Variants in THSD4 observed in about 807,000 individuals in gnomAD.
THSD4 encodes the protein thrombospondin type 1 domain containing 4.
In THSD4, 69 loss-of-function variants were observed where a neutral mutation model predicts 119.0. The ratio of observed to expected loss-of-function variants is 0.58; its 90% CI spans 0.48 to 0.71. The LOEUF (loss-of-function observed/expected upper bound fraction) is 0.71, where lower values mean the gene tolerates loss of function less well. THSD4 is among the 30% of genes least tolerant of loss of function. The pLI, the probability that THSD4 is intolerant of heterozygous loss-of-function variation, is 0.00. For missense variants in THSD4, 1,393 were observed against 1,391.1 expected (o/e 1.00, Z -0.02); for synonymous variants, 524 against 540.4 (o/e 0.97, Z 0.42).
intron 6 of THSD4, among the ~76,000 whole-genome samples, chr15:71,371,575 A>T (rs1056422954): frequency 6.6e-6 from 1 of 152,180 alleles, no homozygotes; most frequent in African/African-American, 2.4e-5. Flanking sequence ...TAGGTTGAAA[A>T]TTCTTTTCTT....
chr15:71,282,355 C>T (rs2044663050), intron 6 of THSD4, among the ~76,000 whole-genome samples: 1 of 151,808 alleles, frequency 6.6e-6, no homozygotes, highest in Non-Finnish European at 1.5e-5. Context: ...GATTTATATC[C>T]CTGTCCAGCT....
chr15:71,209,816 G>A (rs554112774), intron 3 of THSD4, among the ~76,000 whole-genome samples: 2 of 152,222 alleles, frequency 1.3e-5, no homozygotes, highest in South Asian at 4.1e-4. Flanking sequence ...ATGGGGGCGG[G>A]TCTTTCCTGT....
At chr15:71,726,312 G>C (rs1333562103) in intron 8 of THSD4, among the ~76,000 whole-genome samples, 2 of 152,196 alleles carry the variant, frequency 1.3e-5, no homozygotes, top group East Asian at 3.9e-4. Context: ...CCTCTGTGCA[G>C]TTTCTGATTC....
intron 7 of THSD4, among the ~76,000 whole-genome samples, chr15:71,558,917 G>C (rs574023375): frequency 6.6e-6 from 1 of 152,124 alleles, no homozygotes; most frequent in Admixed American, 6.5e-5. Context: ...GTCTGAGAAT[G>C]TGGTATGTGC....
chr15:71,463,444 T>C (rs1319310199), intron 7 of THSD4, among the ~76,000 whole-genome samples: 1 of 152,234 alleles, frequency 6.6e-6, no homozygotes, highest in Non-Finnish European at 1.5e-5. Context: ...CGTCATCTGG[T>C]CCGCATTTCT....
intron 7 of THSD4, chr15:71,549,867 G>GATAA: frequency 6.6e-6 from 1 of 152,596 alleles, no homozygotes; most frequent in Admixed American, 6.5e-5. Flanking sequence ...AGCAGGACCT[G>GATAA]GCAGGTGGGG....
chr15:71,264,970 T>TTCAAATTAGTTCA (rs2044447247), intron 6 of THSD4, among the ~76,000 whole-genome samples: 4 of 152,122 alleles, frequency 2.6e-5, no homozygotes, highest in Admixed American at 6.5e-5. Flanking sequence ...ATGGGGACTC[T>TTCAAATTAGTTCA]AAGGAACTAA....
intron 8 of THSD4, among the ~76,000 whole-genome samples, chr15:71,676,027 C>G (rs1375489055): frequency 6.6e-6 from 1 of 152,194 alleles, no homozygotes. Flanking sequence ...AATCCTTGGG[C>G]TAAATCTCCA....
intron 7 of THSD4, among the ~76,000 whole-genome samples, chr15:71,626,234 T>C (rs1159931666): frequency 6.6e-6 from 1 of 152,218 alleles, no homozygotes; most frequent in Admixed American, 6.5e-5. Flanking sequence ...TGTTGGATTT[T>C]ATTCGGTTTT....
intron 3 of THSD4, among the ~76,000 whole-genome samples, chr15:71,194,302 T>C (rs1296930238): frequency 6.6e-6 from 1 of 152,238 alleles, no homozygotes; most frequent in Non-Finnish European, 1.5e-5. Context: ...TGCCTCCATC[T>C]GTTTTCACAA....
In THSD4 at chr15:71,671,055, G is replaced by A. The variant is rs529616591; in HGVS notation, c.1357+10321G>A. ...TGGGTCTCTAGATCCTTGAGGAATT[G>A]CCACACTGTCTTCCACAATGGTTGA... On this transcript the variant is annotated intron_variant, in intron 8 of 17. Transcript: ENST00000261862. Among the ~76,000 whole-genome samples, 662 of 152,236 alleles carry A rather than the reference G, an allele frequency of 4.3e-3. 4 individuals carry two copies. Among genetic ancestry groups the A allele is most frequent in the Non-Finnish European group, 7.8e-3 (533 of 68,018 alleles).
At chr15:71,246,339 A>T (rs1043026782) in intron 5 of THSD4, among the ~76,000 whole-genome samples, 1 of 152,138 alleles carries the variant, frequency 6.6e-6, no homozygotes, top group Middle Eastern at 3.2e-3. Context: ...AACATCTTCC[A>T]GGTTCTCAGT....
At chr15:71,704,158 T>A (rs1175821765) in intron 8 of THSD4, among the ~76,000 whole-genome samples, 1 of 152,218 alleles carries the variant, frequency 6.6e-6, no homozygotes, top group Non-Finnish European at 1.5e-5. Context: ...TGAAAAACTC[T>A]ACAAAGTTTT....
At chr15:71,224,096 G>A (rs1446862723) in intron 4 of THSD4, among the ~76,000 whole-genome samples, 1 of 152,194 alleles carries the variant, frequency 6.6e-6, no homozygotes, top group East Asian at 1.9e-4. Flanking sequence ...GCTGTGCTTT[G>A]AAAAGGAAAG....
intron 7 of THSD4, among the ~76,000 whole-genome samples, chr15:71,608,527 AGTT>A (rs2140906452): frequency 6.6e-6 from 1 of 152,270 alleles, no homozygotes; most frequent in African/African-American, 2.4e-5. Context: ...TGTGCATTTG[AGTT>A]GTTTCCAGTT....
intron 6 of THSD4, among the ~76,000 whole-genome samples, chr15:71,268,722 G>A (rs549956410): frequency 1.2e-4 from 17 of 144,856 alleles, no homozygotes; most frequent in Admixed American, 3.5e-4. Context: ...CAGCTAGCCA[G>A]ACTAATAAAG....
chr15:71,113,748 A>G (rs2040325123), upstream of THSD4: 1 of 152,184 alleles, frequency 6.6e-6, no homozygotes, highest in African/African-American at 2.4e-5. Context: ...CCAAGGCCAC[A>G]CTCGGCACTG....
At chr15:71,752,031 TGTA>T (rs2053457400) in intron 14 of THSD4, among the ~76,000 whole-genome samples, 1 of 152,182 alleles carries the variant, frequency 6.6e-6, no homozygotes, top group Non-Finnish European at 1.5e-5. Context: ...ATTATTTCGG[TGTA>T]GTCTTCCAAG....
At chr15:71,548,386 C>T (rs1220003748) in intron 7 of THSD4, among the ~76,000 whole-genome samples, 1 of 152,212 alleles carries the variant, frequency 6.6e-6, no homozygotes, top group African/African-American at 2.4e-5. Flanking sequence ...ACAGCTTTGC[C>T]TTTTGTTAGC....
Sources: allele counts gnomAD v4.1 joint callset (sites outside exome capture counted in the v4.1 genomes callset), GRCh38; gene constraint gnomAD v4.1.1; transcripts MANE v1.5; gene names NCBI Gene and HGNC (gene_info 2026-07-23, HGNC 2026-07-21).